The following CRYBG3 variants were observed in gnomAD, a reference collection of about 807,000 sequenced individuals.
CRYBG3 encodes the protein crystallin beta-gamma domain containing 3, also known as very large A-kinase anchor protein.
A neutral mutation model predicts 244.2 loss-of-function variants in CRYBG3; 127 were observed. The observed-to-expected ratio is 0.52, with a 90% CI of 0.45 to 0.60. The LOEUF is 0.60. Among genes scored for constraint, CRYBG3 ranks in the 20% least tolerant of loss-of-function variants. The pLI, the probability that CRYBG3 is intolerant of heterozygous loss-of-function variation, is 0.00. For synonymous variants in CRYBG3, 1,132 were observed against 1,195.8 expected (o/e 0.95, Z 1.10); for missense variants, 3,325 against 3,442.5 (o/e 0.97, Z 0.85).
chr3:97,877,848 G>T lies in CRYBG3; in HGVS notation c.6654G>T (p.Ser2218=), dbSNP rs753867444. The T allele has an allele frequency of 8.7e-6, 14 of 1,614,028 alleles. No individual in the cohort carries two copies. The highest frequency in any genetic ancestry group is 1.2e-5 in the Non-Finnish European group (14 of 1,179,990). Residue 2218 remains serine (S), a synonymous_variant, in exon 4 of 22, where the codon TCG becomes TCT. Transcript: ENST00000389622. The stretch of plus-strand genomic sequence containing the variant: ...TTGGTCTGTGGCCAGAAAAGACCTC[G>T]TTTCTCCAGAAATCTGACCTTACTT... ...LQVGLWPEKT[S]FLQKSDLTSK...
chr3:97,928,806 T>TA (rs575196463), intron 17 of CRYBG3, among the ~76,000 whole-genome samples: 529 of 152,034 alleles, frequency 3.5e-3, no homozygotes, highest in Non-Finnish European at 5.4e-3. Context: ...CAGGTAGAGT[T>TA]ATGTTGACTA....
chr3:97,942,102 A>G (rs1575982671), intron 20 of CRYBG3, 182 bp from the exon 21 acceptor site: 1 of 422,774 alleles, frequency 2.4e-6, no homozygotes, highest in Non-Finnish European at 4.1e-6. Flanking sequence ...ACCATCTCCT[A>G]CCCACAGCCG....
intron 17 of CRYBG3, among the ~76,000 whole-genome samples, chr3:97,926,071 G>A (rs2040037806): frequency 6.6e-6 from 1 of 151,920 alleles, no homozygotes; most frequent in Non-Finnish European, 1.5e-5. Flanking sequence ...CTCATTCTAT[G>A]AGGCCAGCAT....
At position 97,899,212 on chromosome 3, in the gene CRYBG3, T is replaced by A; in HGVS notation, c.7920T>A (p.Phe2640Leu). 6.2e-7 allele frequency: 1 copy of A among 1,613,944 alleles called. No individual in the cohort carries two copies. Among genetic ancestry groups the A allele is most frequent in the Non-Finnish European group, 8.5e-7 (1 of 1,179,880 alleles). ...ILEKGKYKCF[F>L]DWGGSNNIIM... Reference sequence around the variant, plus strand: ...AAAAAGGGAAATACAAATGCTTTTTTGACTGGGGAGGATCAAATAATATAA... The same window carrying A: ...AAAAAGGGAAATACAAATGCTTTTTAGACTGGGGAGGATCAAATAATATAA... The change falls in exon 14 of 22, where the codon TTT (phenylalanine) becomes TTA (leucine). Residue 2640 changes from phenylalanine to leucine, a missense_variant. Physicochemically the swap from Phe to Leu is conservative, Grantham distance 22 (BLOSUM62 0). This residue lies in a region of CRYBG3 where 714 missense variants were observed against 803.6 expected (regional missense o/e 0.89). Coordinates refer to ENST00000389622, the MANE Select transcript of CRYBG3 (RefSeq NM_153605.4).
chr3:97,831,529 G>A (rs547454978), intron 1 of CRYBG3, among the ~76,000 whole-genome samples: 1 of 152,096 alleles, frequency 6.6e-6, no homozygotes, highest in African/African-American at 2.4e-5. Context: ...ATATTTTGGG[G>A]TATGGGATTC....
chr3:97,909,640 T>C (rs1159674890), intron 15 of CRYBG3, among the ~76,000 whole-genome samples: 2 of 151,732 alleles, frequency 1.3e-5, no homozygotes, highest in Non-Finnish European at 2.9e-5. Flanking sequence ...ATTCTAGTTA[T>C]ACATTCTTCT....
Position 97,876,730 on chromosome 3 carries a change from G to GA in CRYBG3, c.5542dup (p.Ile1848AsnfsTer8), listed in dbSNP as rs1176602262. 6 of 1,255,542 alleles carry GA rather than the reference G, an allele frequency of 4.8e-6. No individual in the cohort carries two copies. Among genetic ancestry groups the GA allele is most frequent in the Admixed American group, 3.8e-5 (1 of 26,122 alleles). 77.8% of individuals were successfully genotyped at this position (1,255,542 alleles called of 1,614,324 possible). A position where few individuals can be genotyped will look rare whatever the true frequency, so the allele number is the denominator to read the frequency against. On this transcript the variant is annotated frameshift_variant, in exon 4 of 22. Transcript: ENST00000389622. LOFTEE classifies it high-confidence loss of function. ...GTCCACACCCTCTGTGATAGAAATGGAAAAAATATCCCCAGAAGATCGTGG... is the reference window on the plus strand; with the variant it reads ...GTCCACACCCTCTGTGATAGAAATGGAAAAAAATATCCCCAGAAGATCGTGG...
chr3:97,942,474 C>T, intron 21 of CRYBG3, 31 bp downstream of exon 21: 1 of 1,559,384 alleles, frequency 6.4e-7, no homozygotes, highest in Non-Finnish European at 8.7e-7. Flanking sequence ...AATGTTGTGT[C>T]CCTGGATATT....
At chr3:97,907,388 G>C (rs1457658763) in intron 15 of CRYBG3, among the ~76,000 whole-genome samples, 1 of 151,736 alleles carries the variant, frequency 6.6e-6, no homozygotes, top group Non-Finnish European at 1.5e-5. Context: ...GACTCTTTTT[G>C]GTTGGTAATC....
At chr3:97,842,470 AG>A (rs2038834710) in intron 1 of CRYBG3, among the ~76,000 whole-genome samples, 2 of 152,002 alleles carry the variant, frequency 1.3e-5, no homozygotes, top group African/African-American at 2.4e-5. Flanking sequence ...GTGAGCCAGG[AG>A]GATTGCTTGA....
At position 97,822,112 on chromosome 3, in the gene CRYBG3, AGCCGCATCCCGCGGC is replaced by A; in HGVS notation, c.-91_-77del. On this transcript the variant is annotated 5_prime_UTR_variant, in exon 1 of 22. Coordinates refer to ENST00000389622, the MANE Select transcript of CRYBG3 (RefSeq NM_153605.4). ...AGCTCGCGTCGAGTCGGTCTGCCCT[AGCCGCATCCCGCGGC>A]GCCCGGTCGGGCTCCGGGCACCAGG... 1 of 1,198,126 alleles carries A rather than the reference AGCCGCATCCCGCGGC, an allele frequency of 8.3e-7. No individual in the cohort carries two copies. The highest frequency in any genetic ancestry group is 1.1e-6 in the Non-Finnish European group (1 of 908,218). The allele number at this position is 1,198,126 out of a possible 1,614,324, so 74.2% of individuals were successfully genotyped here.
intron 1 of CRYBG3, among the ~76,000 whole-genome samples, chr3:97,830,776 A>G (rs1471063255): frequency 2.0e-5 from 3 of 151,940 alleles, no homozygotes; most frequent in Non-Finnish European, 4.4e-5. Context: ...ACAAATGCAC[A>G]GTAATGTACC....
Position 97,893,229 on chromosome 3 carries a change from T to C in CRYBG3, c.7574+236T>C, listed in dbSNP as rs73851086. On this transcript the variant is annotated intron_variant, in intron 11 of 21. Transcript: ENST00000389622. ...GTTTCTGAAACTGCAGCACCTTGTA[T>C]TTCTGAACACAGGATAGACTATAAG... 6.3e-3 allele frequency among the ~76,000 whole-genome samples: 959 copies of C among 152,326 alleles called. 8 individuals are homozygous for C. The highest frequency in any genetic ancestry group is 0.021 in the African/African-American group (876 of 41,580).
chr3:97,822,342 C>G lies in CRYBG3; in HGVS notation c.136C>G (p.Arg46Gly). 1 of 1,503,862 alleles carries G rather than the reference C, an allele frequency of 6.6e-7. No homozygotes were observed. The highest frequency in any genetic ancestry group is 8.8e-7 in the Non-Finnish European group (1 of 1,130,384). The allele number at this position is 1,503,862 out of a possible 1,614,324, so 93.2% of individuals were successfully genotyped here. Residue 46 changes from arginine to glycine, a missense_variant, in exon 1 of 22, where the codon CGG becomes GGG. Physicochemically the swap from Arg to Gly is moderately radical, Grantham distance 125. Coordinates refer to ENST00000389622, the MANE Select transcript of CRYBG3 (RefSeq NM_153605.4). ...PGTSPPPAPGRSAASVENEPM... is the reference protein window; with the variant it reads ...PGTSPPPAPGGSAASVENEPM... Reference sequence around the variant, plus strand: ...GACGAGCCCGCCTCCAGCTCCAGGCCGGTCCGCTGCCAGGTGGGAGTCGAG... The same window carrying G: ...GACGAGCCCGCCTCCAGCTCCAGGCGGGTCCGCTGCCAGGTGGGAGTCGAG...
chr3:97,844,891 A>G (rs1042471820), intron 2 of CRYBG3, among the ~76,000 whole-genome samples: 1 of 152,172 alleles, frequency 6.6e-6, no homozygotes, highest in Non-Finnish European at 1.5e-5. Context: ...GCAGTCATGA[A>G]ACTGTTTTTC....
intron 1 of CRYBG3, among the ~76,000 whole-genome samples, chr3:97,826,427 C>T (rs770296048): frequency 1.3e-5 from 2 of 151,788 alleles, no homozygotes; most frequent in South Asian, 2.1e-4. Context: ...CTCATAACAG[C>T]GGAAAATATG....
At position 97,875,228 on chromosome 3, in the gene CRYBG3, A is replaced by G. The variant is rs981608496; in HGVS notation, c.4034A>G (p.Asn1345Ser). Residue 1345 changes from asparagine to serine, a missense_variant, in exon 4 of 22, where the codon AAC (asparagine) becomes AGC (serine). Asn to Ser is a conservative substitution (Grantham distance 46). Transcript: ENST00000389622. ...CAGGCTAATACTTCAAAAATTCTGAACAGTGATAGTGTTAAGCCACATGAT... is the reference window on the plus strand; with the variant it reads ...CAGGCTAATACTTCAAAAATTCTGAGCAGTGATAGTGTTAAGCCACATGAT... ...ELQANTSKIL[N>S]SDSVKPHDVV... The G allele has an allele frequency of 3.3e-5, 51 of 1,530,696 alleles. No homozygotes were observed. In the East Asian group the frequency reaches 1.2e-3, roughly 37 times the overall value. The allele number at this position is 1,530,696 out of a possible 1,614,324, so 94.8% of individuals were successfully genotyped here.
chr3:97,822,641 C>A (rs1269934642), intron 1 of CRYBG3, among the ~76,000 whole-genome samples: 1 of 152,230 alleles, frequency 6.6e-6, no homozygotes, highest in Non-Finnish European at 1.5e-5. Flanking sequence ...TCCCACTTTC[C>A]CCTGCCCGGA....
chr3:97,830,337 A>C (rs568468478), intron 1 of CRYBG3, among the ~76,000 whole-genome samples: 1 of 152,128 alleles, frequency 6.6e-6, no homozygotes, highest in South Asian at 2.1e-4. Context: ...CATGACTTCC[A>C]AGACCTTTCT....
Sources: allele counts gnomAD v4.1 joint callset (sites outside exome capture counted in the v4.1 genomes callset), GRCh38; gene constraint gnomAD v4.1.1; regional missense constraint gnomAD v4.1.1; transcripts MANE v1.5; gene names NCBI Gene and HGNC (gene_info 2026-07-23, HGNC 2026-07-21).